The following MDGA2 variants were observed in gnomAD, a reference collection of about 807,000 sequenced individuals.
MDGA2 encodes MAM domain containing glycosylphosphatidylinositol anchor 2.
Under a neutral mutation model 117.8 loss-of-function variants are expected in MDGA2, and 40 were observed. The ratio of observed to expected loss-of-function variants is 0.34; its 90% CI spans 0.26 to 0.44. MDGA2 has a LOEUF of 0.44. Ranked by LOEUF, MDGA2 falls within the 20% of genes least tolerant of loss-of-function variation. The probability of loss-of-function intolerance (pLI) is 1.00; values close to 1 mark genes in which losing one functional copy is unlikely to be tolerated. For missense variants in MDGA2, 1,123 were observed against 1,250.6 expected, an observed-to-expected ratio of 0.90 and a Z score of 1.54; for synonymous variants, 452 against 439.0, an observed-to-expected ratio of 1.03 and a Z score of -0.37.
At chr14:47,384,874 A>C (rs1368993004) in intron 1 of MDGA2, among the ~76,000 whole-genome samples, 4 of 152,212 alleles carry the variant, frequency 2.6e-5, no homozygotes, top group African/African-American at 9.7e-5. Context: ...GCAACCAGAG[A>C]ATACAAAGAT....
chr14:47,474,145 A>C (rs1223559028), intron 1 of MDGA2, among the ~76,000 whole-genome samples: 2 of 152,230 alleles, frequency 1.3e-5, no homozygotes, highest in African/African-American at 4.8e-5. Context: ...TCAGGATACA[A>C]AAGACAATGT....
At chr14:47,665,268 C>T (rs1448417627) in intron 1 of MDGA2, among the ~76,000 whole-genome samples, 1 of 152,228 alleles carries the variant, frequency 6.6e-6, no homozygotes, top group Non-Finnish European at 1.5e-5. Flanking sequence ...TCTAGATACA[C>T]ACATTTGTGT....
chr14:47,121,853 C>A (rs1881669008), intron 5 of MDGA2, among the ~76,000 whole-genome samples: 1 of 151,982 alleles, frequency 6.6e-6, no homozygotes, highest in Non-Finnish European at 1.5e-5. Context: ...CAAATATTTG[C>A]AAAGAGTCAC....
intron 2 of MDGA2, among the ~76,000 whole-genome samples, chr14:47,281,842 A>C (rs1293515825): frequency 6.6e-6 from 1 of 151,870 alleles, no homozygotes; most frequent in Non-Finnish European, 1.5e-5. Context: ...CGATCACCTG[A>C]GGTCGGAAGC....
At chr14:47,041,931 T>C (rs1246736299) in intron 7 of MDGA2, among the ~76,000 whole-genome samples, 2 of 152,012 alleles carry the variant, frequency 1.3e-5, no homozygotes, top group Admixed American at 6.6e-5. Flanking sequence ...ACTTTAATAG[T>C]AGATATTGAA....
chr14:47,407,012 G>T lies in MDGA2; in HGVS notation c.281-105462C>A, dbSNP rs190805779. 1.6e-4 allele frequency among the ~76,000 whole-genome samples: 24 copies of T among 151,692 alleles called. No individual in the cohort carries two copies. The East Asian group carries it at 4.1e-3, about 26-fold the overall frequency. ...TGAATATTTTCTCATTTCCTAAAAG[G>T]TATTGTATTATTTGTAAAATACAAT... On this transcript the variant is annotated intron_variant, in intron 1 of 16. Transcript: ENST00000399232.
chr14:46,993,921 G>A (rs1887189530), intron 8 of MDGA2, among the ~76,000 whole-genome samples: 1 of 152,090 alleles, frequency 6.6e-6, no homozygotes, highest in African/African-American at 2.4e-5. Flanking sequence ...TGATACAAGT[G>A]TCTTTGCTTA....
At chr14:47,343,880 A>G (rs1342217944) in intron 1 of MDGA2, among the ~76,000 whole-genome samples, 1 of 152,160 alleles carries the variant, frequency 6.6e-6, no homozygotes. Context: ...AAATAGCCAT[A>G]TGTCCCTGAA....
intron 10 of MDGA2, among the ~76,000 whole-genome samples, chr14:46,908,866 A>G (rs767066902): frequency 3.4e-4 from 51 of 152,186 alleles, no homozygotes; most frequent in African/African-American, 1.2e-3. Context: ...AGATTGAAGT[A>G]TAAGTCCACT....
chr14:47,537,573 T>TAAAAAAAAA lies in MDGA2; in HGVS notation c.280+136943_280+136944insTTTTTTTTT, dbSNP rs1566504353. On this transcript the variant is annotated intron_variant, in intron 1 of 16. Transcript: ENST00000399232. ...ATTATCCACTGTTACCTTCTCTCTG[T>TAAAAAAAAA]TAAAAAAAAAAAAAAAAAAAAAAAA... Among the ~76,000 whole-genome samples the TAAAAAAAAA allele has an allele frequency of 6.3e-4, 36 of 57,098 alleles. 5 individuals carry two copies. The highest frequency in any genetic ancestry group is 9.6e-4 in the Non-Finnish European group (28 of 29,080). The allele number at this position is 57,098 out of a possible 152,430, so 37.5% of individuals were successfully genotyped here. A position where few individuals can be genotyped will look rare whatever the true frequency, so the allele number is the denominator to read the frequency against.
At chr14:47,444,497 T>A (rs1042999887) in intron 1 of MDGA2, 1 of 190,374 alleles carries the variant, frequency 5.3e-6, no homozygotes, top group Non-Finnish European at 1.1e-5. Context: ...AGCACCATTA[T>A]GGTGGCATGG....
intron 9 of MDGA2, among the ~76,000 whole-genome samples, chr14:46,944,500 C>T (rs373294541): frequency 1.1e-3 from 169 of 151,946 alleles, no homozygotes; most frequent in African/African-American, 3.9e-3. Flanking sequence ...GGGTTTGCTT[C>T]GTAAATTTGT....
At chr14:47,061,044 C>A (rs2138783853) in intron 7 of MDGA2, among the ~76,000 whole-genome samples, 1 of 152,038 alleles carries the variant, frequency 6.6e-6, no homozygotes, top group Middle Eastern at 3.4e-3. Flanking sequence ...TGGATAATTT[C>A]TGTAAAATCT....
At chr14:47,541,919 A>G (rs1020847671) in intron 1 of MDGA2, among the ~76,000 whole-genome samples, 2 of 152,180 alleles carry the variant, frequency 1.3e-5, no homozygotes, top group Admixed American at 1.3e-4. Context: ...TCTTCTTCGG[A>G]AAGTAAAATA....
At chr14:47,666,200 T>G (rs189429270) in intron 1 of MDGA2, among the ~76,000 whole-genome samples, 70 of 149,788 alleles carry the variant, frequency 4.7e-4, no homozygotes, top group African/African-American at 1.6e-3. Flanking sequence ...GGTGGGGACT[T>G]GGAGAATCTT....
chr14:47,496,727 T>C (rs1894288575), intron 1 of MDGA2, among the ~76,000 whole-genome samples: 1 of 150,598 alleles, frequency 6.6e-6, no homozygotes, highest in Non-Finnish European at 1.5e-5. Flanking sequence ...ACATATATGT[T>C]ACTATAATAT....
At chr14:47,545,374 CAA>C (rs1185989657) in intron 1 of MDGA2, among the ~76,000 whole-genome samples, 4 of 152,048 alleles carry the variant, frequency 2.6e-5, no homozygotes, top group African/African-American at 4.8e-5. Flanking sequence ...CAGATAGACT[CAA>C]TATTTGGTTT....
chr14:46,935,139 C>G (rs1884732245), intron 9 of MDGA2, among the ~76,000 whole-genome samples: 1 of 152,002 alleles, frequency 6.6e-6, no homozygotes, highest in Admixed American at 6.6e-5. Flanking sequence ...CAGATATTAT[C>G]AGGAGTGCAG....
At chr14:47,517,863 TAAAGAA>T (rs1473190417) in intron 1 of MDGA2, among the ~76,000 whole-genome samples, 1 of 152,310 alleles carries the variant, frequency 6.6e-6, no homozygotes, top group East Asian at 1.9e-4. Flanking sequence ...AATTTTAATA[TAAAGAA>T]AAAGTGTGTC....
Sources: allele counts gnomAD v4.1 joint callset (sites outside exome capture counted in the v4.1 genomes callset), GRCh38; gene constraint gnomAD v4.1.1; transcripts MANE v1.5; gene names NCBI Gene and HGNC (gene_info 2026-07-23, HGNC 2026-07-21).